Variants in ZNF266 observed in about 807,000 individuals in gnomAD.
ZNF266 encodes zinc finger protein 266.
ZNF266 carries 16 observed loss-of-function variants against 16.4 expected under a neutral mutation model. The ratio of observed to expected loss-of-function variants is 0.98; its 90% CI spans 0.66 to 1.48. The LOEUF is 1.48. ZNF266 is among the 40% of genes most tolerant of loss of function. The pLI is 0.00. For missense variants in ZNF266, 738 were observed against 689.1 expected (o/e 1.07, Z -0.79); for synonymous variants, 262 against 237.9 (o/e 1.10, Z -0.93).
At chr19:9,417,253 C>T (rs377570788) in intron 9 of ZNF266, among the ~76,000 whole-genome samples, 2 of 151,992 alleles carry the variant, frequency 1.3e-5, no homozygotes, top group Admixed American at 6.6e-5. Context: ...CCTGTAGTCC[C>T]GGCTACTCGG....
intron 5 of ZNF266, among the ~76,000 whole-genome samples, chr19:9,423,794 G>A (rs1339824368): frequency 6.6e-6 from 1 of 152,102 alleles, no homozygotes; most frequent in South Asian, 2.1e-4. Flanking sequence ...TCAGGAGTTC[G>A]TGACCAGCCC....
intron 10 of ZNF266, 45 bp from the exon 11 acceptor site, chr19:9,414,765 G>T: frequency 6.7e-7 from 1 of 1,496,938 alleles, no homozygotes; most frequent in Non-Finnish European, 8.9e-7. Flanking sequence ...GGTTCAGATT[G>T]ATTAACAGAT....
rs753273504 is a variant in ZNF266 at position 9,418,616 on chromosome 19, CAA to C, written c.122_123del (p.Phe41Ter). The C allele has an allele frequency of 6.1e-5, 91 of 1,483,140 alleles. No homozygotes were observed. The highest frequency in any genetic ancestry group is 8.3e-5 in the Non-Finnish European group (88 of 1,060,998). The allele number at this position is 1,483,140 out of a possible 1,614,324, so 91.9% of individuals were successfully genotyped here. A position where few individuals can be genotyped will look rare whatever the true frequency, so the allele number is the denominator to read the frequency against. On this transcript the variant is annotated frameshift_variant, in exon 8 of 11. Coordinates refer to ENST00000592904, the MANE Select transcript of ZNF266 (RefSeq NM_001370374.1). LOFTEE classifies it high-confidence loss of function. ...GGGGTGAAGTCCACAGCCAGATCAT[CAA>C]AAGTCACTGAATCCTAAACCATCAC... ...LTNCYQDSVT[F>X]DDLAVDFTPE...
chr19:9,421,250 G>A (rs185952841), intron 5 of ZNF266, among the ~76,000 whole-genome samples: 69 of 152,162 alleles, frequency 4.5e-4, no homozygotes, highest in Non-Finnish European at 8.2e-4. Flanking sequence ...GAAACTCTGA[G>A]GTCACACTGG....
intron 5 of ZNF266, among the ~76,000 whole-genome samples, chr19:9,431,489 C>T (rs1318947746): frequency 6.6e-6 from 1 of 152,228 alleles, no homozygotes; most frequent in African/African-American, 2.4e-5. Context: ...CGAACGTGAA[C>T]ACTGAAGTCC....
At position 9,414,421 on chromosome 19, in the gene ZNF266, A is replaced by T. The variant is rs1166119121; in HGVS notation, c.705T>A (p.His235Gln). ...TTCTTAAATGTCCCTGAAGGTGTGA[A>T]TGATTAATGAAGGATTTCCCAGAGT... The part of the protein sequence containing the change: ...CSDSGKSFIN[H>Q]SHLQGHLRTH... Residue 235 changes from histidine to glutamine, a missense_variant, in exon 11 of 11, where the codon CAT becomes CAA. His to Gln is a conservative substitution (Grantham distance 24, BLOSUM62 0). Coordinates refer to ENST00000592904, the MANE Select transcript of ZNF266 (RefSeq NM_001370374.1). 6.2e-7 allele frequency: 1 copy of T among 1,614,058 alleles called. No individual in the cohort carries two copies. The highest frequency in any genetic ancestry group is 8.5e-7 in the Non-Finnish European group (1 of 1,180,034).
At chr19:9,414,801 T>A (rs958370579) in intron 10 of ZNF266, 81 bp from the exon 11 acceptor site, 3 of 1,391,492 alleles carry the variant, frequency 2.2e-6, no homozygotes, top group African/African-American at 2.9e-5. Flanking sequence ...AGAGGAACAC[T>A]GTGATGATTA....
At position 9,435,416 on chromosome 19, in the gene ZNF266, G is replaced by A. The variant is rs2072321287; in HGVS notation, c.-690C>T. On this transcript the variant is annotated 5_prime_UTR_variant, in exon 1 of 11. Transcript: ENST00000592904. ...GCGGAGCAGGCAAGGTCTCTCTAAG[G>A]AGGCCCCTCGGCGGCCTGGGGCAAA... is the stretch of plus-strand genomic sequence containing the variant. 1 of 152,256 alleles carries A rather than the reference G, an allele frequency of 6.6e-6. No homozygotes were observed. The highest frequency in any genetic ancestry group is 6.5e-5 in the Admixed American group (1 of 15,288). The allele number at this position is 152,256 out of a possible 1,614,324, so 9.4% of individuals were successfully genotyped here.
intron 5 of ZNF266, among the ~76,000 whole-genome samples, chr19:9,423,453 ATT>A (rs2070230889): frequency 6.6e-6 from 1 of 152,186 alleles, no homozygotes; most frequent in African/African-American, 2.4e-5. Flanking sequence ...CAAGCAAAGC[ATT>A]TCACTGCAGA....
chr19:9,416,663 C>CTTTTTTTT (rs368700653), intron 9 of ZNF266, among the ~76,000 whole-genome samples: 1 of 56,946 alleles, frequency 1.8e-5, no homozygotes, highest in African/African-American at 7.5e-5. Context: ...CGTGCCAGGC[C>CTTTTTTTT]TTTTTTTTTT....
intron 5 of ZNF266, among the ~76,000 whole-genome samples, chr19:9,424,250 T>C (rs541410348): frequency 6.8e-6 from 1 of 147,458 alleles, no homozygotes; most frequent in Non-Finnish European, 1.5e-5. Context: ...AAGAAAAAAG[T>C]TAATCTACTG....
chr19:9,434,364 A>C (rs1376603902), intron 3 of ZNF266, 129 bp from the exon 4 acceptor site: 1 of 152,204 alleles, frequency 6.6e-6, no homozygotes, highest in Admixed American at 6.6e-5. Flanking sequence ...CCTCCCTAAG[A>C]ACAGCCCTAG....
chr19:9,434,390 T>C (rs756421377), intron 3 of ZNF266, among the ~76,000 whole-genome samples, 155 bp from the exon 4 acceptor site: 1 of 152,234 alleles, frequency 6.6e-6, no homozygotes, highest in Non-Finnish European at 1.5e-5. Context: ...ATTTTTTTAC[T>C]ATGCCTTAAT....
In ZNF266 at chr19:9,413,408, G is replaced by A. The variant is rs144013116; in HGVS notation, c.1718C>T (p.Ser573Leu). Residue 573 changes from serine to leucine, a missense_variant, in exon 11 of 11, where the codon TCG becomes TTG. Ser to Leu is a moderately radical substitution (Grantham distance 145). Transcript: ENST00000592904. ...GTGAGTTCGTTCATGTAACTGAAAC[G>A]AATTGGAGTAACTGAAGGATTTCCC... ...QCGKSFSYSN[S>L]FQLHERTHTG... The A allele has an allele frequency of 1.2e-5, 19 of 1,611,732 alleles. No homozygotes were observed. The highest frequency in any genetic ancestry group is 4.0e-5 in the African/African-American group (3 of 74,568).
chr19:9,427,622 C>T (rs1049709953), intron 5 of ZNF266, among the ~76,000 whole-genome samples: 1 of 152,144 alleles, frequency 6.6e-6, no homozygotes, highest in Admixed American at 6.5e-5. Context: ...CCACCACACC[C>T]GGCCTGGACA....
chr19:9,416,507 G>A (rs1568406003), intron 9 of ZNF266, among the ~76,000 whole-genome samples: 1 of 150,944 alleles, frequency 6.6e-6, no homozygotes, highest in Non-Finnish European at 1.5e-5. Context: ...GGGATTACAG[G>A]CACCTACCAC....
intron 5 of ZNF266, among the ~76,000 whole-genome samples, chr19:9,426,276 A>G (rs991397513): frequency 2.6e-5 from 4 of 152,098 alleles, no homozygotes; most frequent in Non-Finnish European, 4.4e-5. Context: ...TCAGGTAAAC[A>G]AAGGAAAAAA....
chr19:9,428,729 A>AC (rs952677770), intron 5 of ZNF266, among the ~76,000 whole-genome samples: 6 of 151,772 alleles, frequency 4.0e-5, no homozygotes, highest in South Asian at 2.1e-4. Context: ...AAAAAAAAAA[A>AC]AAAACCCTGG....
intron 5 of ZNF266, among the ~76,000 whole-genome samples, chr19:9,421,027 TTTAA>T (rs2069792299): frequency 3.4e-5 from 1 of 29,690 alleles, no homozygotes; most frequent in Non-Finnish European, 8.1e-5. Context: ...CAGAATGTAT[TTTAA>T]TTTAATAAAA....
Sources: allele counts gnomAD v4.1 joint callset (sites outside exome capture counted in the v4.1 genomes callset), GRCh38; gene constraint gnomAD v4.1.1; transcripts MANE v1.5; gene names NCBI Gene and HGNC (gene_info 2026-07-23, HGNC 2026-07-21).